The following COL6A2 variants were observed in gnomAD, a reference collection of about 807,000 sequenced individuals.
COL6A2 encodes the protein collagen alpha-2(VI) chain.
A neutral mutation model predicts 124.9 loss-of-function variants in COL6A2; 90 were observed. The observed-to-expected ratio is 0.72, with a 90% CI of 0.61 to 0.86. The LOEUF (loss-of-function observed/expected upper bound fraction) is 0.86, where lower values mean the gene tolerates loss of function less well. Ranked by LOEUF, COL6A2 falls within the 40% of genes least tolerant of loss-of-function variation. The probability of loss-of-function intolerance (pLI) is 0.00; values close to 1 mark genes in which losing one functional copy is unlikely to be tolerated. For synonymous variants in COL6A2, 793 were observed against 618.2 expected, an observed-to-expected ratio of 1.28 and a Z score of -4.19; for missense variants, 1,607 against 1,502.5, an observed-to-expected ratio of 1.07 and a Z score of -1.15.
At chr21:46,106,656 C>G (rs1348985764) in intron 1 of COL6A2, among the ~76,000 whole-genome samples, 1 of 152,148 alleles carries the variant, frequency 6.6e-6, no homozygotes, top group East Asian at 1.9e-4. Flanking sequence ...ACCTTTATTT[C>G]TAGTCACAGG....
chr21:46,106,079 G>A (rs2078332774), intron 1 of COL6A2, among the ~76,000 whole-genome samples: 1 of 152,126 alleles, frequency 6.6e-6, no homozygotes, highest in African/African-American at 2.4e-5. Context: ...GAGCAAGAGT[G>A]GCTATACTAA....
At position 46,113,136 on chromosome 21, in the gene COL6A2, C is replaced by T. The variant is rs917020733; in HGVS notation, c.735+312C>T. Among the ~76,000 whole-genome samples, 5 of 152,182 alleles carry T rather than the reference C, an allele frequency of 3.3e-5. No homozygotes were observed. In the East Asian group the frequency reaches 7.7e-4, roughly 24 times the overall value. ...GACTCGAGGCCCGAGCCCAGCCCAGCAGGTCAGGGGAGAAGGAACTGACAT... is the reference window on the plus strand; with the variant it reads ...GACTCGAGGCCCGAGCCCAGCCCAGTAGGTCAGGGGAGAAGGAACTGACAT... On this transcript the variant is annotated intron_variant, in intron 4 of 27. Transcript: ENST00000300527.
chr21:46,114,836 C>T (rs2078450005), intron 5 of COL6A2, among the ~76,000 whole-genome samples: 1 of 152,226 alleles, frequency 6.6e-6, no homozygotes, highest in Admixed American at 6.5e-5. Flanking sequence ...CAACAATTCA[C>T]ATCTGTTAAA....
intron 14 of COL6A2, among the ~76,000 whole-genome samples, chr21:46,119,445 G>A (rs1232303376): frequency 2.0e-5 from 3 of 152,188 alleles, no homozygotes; most frequent in African/African-American, 7.2e-5. Context: ...GGGCCTGCCT[G>A]GGAGTGACCG....
rs1219532782 is a variant in COL6A2, at chr21:46,129,293, G to C, written c.2462-2661G>C. 3.7e-6 allele frequency: 6 copies of C among 1,612,930 alleles called. 2 individuals are homozygous for C. The Admixed American group carries it at 1.0e-4, about 27-fold the overall frequency. On this transcript the variant is annotated intron_variant, in intron 27 of 27. Coordinates refer to ENST00000300527, the MANE Select transcript of COL6A2 (RefSeq NM_001849.4). ...CCAGGACCATTCCCCTGATCCAACA[G>C]TTGCTAAACGCCACGGAGCTCACGC...
rs780803351 is a variant in COL6A2 at position 46,112,006 on chromosome 21, A to T, written c.143A>T (p.Tyr48Phe). The T allele has an allele frequency of 1.2e-6, 2 of 1,612,564 alleles. No homozygotes were observed. The highest frequency in any genetic ancestry group is 1.7e-6 in the Non-Finnish European group (2 of 1,179,998). The change falls in exon 3 of 28, where the codon TAC becomes TTC. Residue 48 changes from tyrosine to phenylalanine, a missense_variant. By Grantham distance (22) the Tyr-to-Phe change is conservative. This residue lies in a region of COL6A2 where 342 missense variants were observed against 381.5 expected (regional missense o/e 0.90). Transcript: ENST00000300527. ...AAGACCGACTGCCCCATCCACGTGTACTTCGTGCTGGACACCTCGGAGAGC... is the reference window on the plus strand; with the variant it reads ...AAGACCGACTGCCCCATCCACGTGTTCTTCGTGCTGGACACCTCGGAGAGC... ...PEKTDCPIHV[Y>F]FVLDTSESVT...
At position 46,117,413 on chromosome 21, in the gene COL6A2, G is replaced by T. The variant is rs760872485; in HGVS notation, c.1013G>T (p.Arg338Leu). The T allele has an allele frequency of 6.8e-6, 11 of 1,612,780 alleles. No homozygotes were observed. In the South Asian group the frequency reaches 1.2e-4, roughly 18 times the overall value. Residue 338 changes from arginine to leucine, a missense_variant, in exon 11 of 28, where the codon CGC (arginine) becomes CTC (leucine). Coordinates refer to ENST00000300527, the MANE Select transcript of COL6A2 (RefSeq NM_001849.4). ...GTDGQKGKLGRIGPPGCKGDP... is the reference protein window; with the variant it reads ...GTDGQKGKLGLIGPPGCKGDP... The stretch of plus-strand genomic sequence containing the variant: ...CTTCTCCTTCAGGGCAAGCTGGGGC[G>T]CATCGGACCTCCTGGCTGCAAGGGA...
chr21:46,127,454 G>T (rs1262015087), intron 27 of COL6A2, among the ~76,000 whole-genome samples: 2 of 152,146 alleles, frequency 1.3e-5, no homozygotes, highest in African/African-American at 4.8e-5. Context: ...CATACGTGCT[G>T]CGACAGAGAA....
At chr21:46,099,654 G>A (rs1461694132) in intron 1 of COL6A2, among the ~76,000 whole-genome samples, 1 of 152,120 alleles carries the variant, frequency 6.6e-6, no homozygotes, top group Non-Finnish European at 1.5e-5. Context: ...CCCAGCCCGC[G>A]GGGCACTGGC....
chr21:46,111,874 C>G (rs542046758), intron 2 of COL6A2, 105 bp from the exon 3 acceptor site: 1 of 1,238,016 alleles, frequency 8.1e-7, no homozygotes, highest in Admixed American at 1.7e-5. Flanking sequence ...CTCTGGCATT[C>G]GGGGGCAGTG....
At chr21:46,130,605 G>GCC (rs1291193913) in intron 27 of COL6A2, among the ~76,000 whole-genome samples, 2 of 152,142 alleles carry the variant, frequency 1.3e-5, no homozygotes, top group African/African-American at 4.8e-5. Context: ...TGCCTGGCCG[G>GCC]CCCCCACAGC....
chr21:46,122,624 C>T, intron 20 of COL6A2, 93 bp downstream of exon 20: 2 of 1,397,200 alleles, frequency 1.4e-6, no homozygotes, highest in Non-Finnish European at 2.0e-6. Context: ...ACTGACAGGA[C>T]CACCCCTGTC....
intron 27 of COL6A2, among the ~76,000 whole-genome samples, chr21:46,130,050 G>A (rs780096470): frequency 2.0e-5 from 3 of 152,186 alleles, no homozygotes; most frequent in Non-Finnish European, 4.4e-5. Context: ...CGTGCATGGT[G>A]ACTCGTGGGC....
In COL6A2 at chr21:46,103,506, A is replaced by G. The variant is rs763604541; in HGVS notation, c.-28+5333A>G. ...CCTTACATTGTAAGGTTAAGCTCCT[A>G]TTTGAGACCTGTCTTTTTTAATATA... On this transcript the variant is annotated intron_variant, in intron 1 of 27. Transcript: ENST00000300527. Among the ~76,000 whole-genome samples the G allele has an allele frequency of 5.1e-4, 78 of 152,044 alleles. 1 individual carries two copies. The highest frequency in any genetic ancestry group is 9.6e-4 in the Non-Finnish European group (65 of 67,958).
chr21:46,125,433 G>T, intron 24 of COL6A2, 32 bp from the exon 25 acceptor site: 3 of 1,610,878 alleles, frequency 1.9e-6, no homozygotes, highest in Non-Finnish European at 1.7e-6. Flanking sequence ...AGGTCTCCCC[G>T]GTACCCCCCG....
chr21:46,107,239 T>C (rs1014740798), intron 1 of COL6A2, among the ~76,000 whole-genome samples: 2 of 152,280 alleles, frequency 1.3e-5, no homozygotes, highest in African/African-American at 4.8e-5. Context: ...TTTTTGTATG[T>C]TGAGGACTAA....
intron 27 of COL6A2, chr21:46,129,958 ATGT>A: frequency 1.7e-6 from 1 of 599,642 alleles, no homozygotes; most frequent in Non-Finnish European, 2.1e-6. Context: ...GTGCTGGAGG[ATGT>A]TCCAGCACCA....
chr21:46,129,867 G>A, intron 27 of COL6A2: 1 of 1,037,868 alleles, frequency 9.6e-7, no homozygotes, highest in Non-Finnish European at 1.2e-6. Flanking sequence ...TTTGGGTGTG[G>A]AAGTCTTTGG....
At chr21:46,105,262 T>C (rs2078324781) in intron 1 of COL6A2, among the ~76,000 whole-genome samples, 1 of 152,132 alleles carries the variant, frequency 6.6e-6, no homozygotes. Context: ...GGTGCACACC[T>C]GTGGTCCCAA....
Sources: gnomAD v4.1 joint callset for allele counts (sites outside exome capture counted in the v4.1 genomes callset) on GRCh38, gnomAD v4.1.1 for gene constraint, gnomAD v4.1.1 regional missense constraint, MANE v1.5 for transcripts, NCBI Gene and HGNC (gene_info 2026-07-23, HGNC 2026-07-21) for gene names.